Variants in GINM1 observed in about 807,000 individuals in gnomAD.
GINM1 encodes the protein glycoprotein integral membrane protein 1.
Under a neutral mutation model 37.8 loss-of-function variants are expected in GINM1, and 29 were observed. The observed-to-expected ratio is 0.77, with a 90% confidence interval of 0.57 to 1.05. The LOEUF (loss-of-function observed/expected upper bound fraction) is 1.05. Among genes scored for constraint, GINM1 ranks in the 50% least tolerant of loss-of-function variants. The pLI, the probability that GINM1 is intolerant of heterozygous loss-of-function variation, is 0.00. For missense variants in GINM1, 377 were observed against 397.9 expected (o/e 0.95, Z 0.45); for synonymous variants, 143 against 146.2 (o/e 0.98, Z 0.16).
chr6:149,573,980 A>C (rs937239042), intron 3 of GINM1, among the ~76,000 whole-genome samples: 1 of 151,966 alleles, frequency 6.6e-6, no homozygotes, highest in Non-Finnish European at 1.5e-5. Flanking sequence ...AAAGGTAAGC[A>C]GGTATGTTGC....
intron 3 of GINM1, 122 bp downstream of exon 3, chr6:149,572,725 G>C (rs561765001): frequency 1.5e-6 from 1 of 676,914 alleles, no homozygotes; most frequent in Non-Finnish European, 2.6e-6. Context: ...GCAATGGTGC[G>C]ATCTCAGCTC....
chr6:149,580,118 T>C (rs1246411444), intron 5 of GINM1, 128 bp downstream of exon 5: 1 of 632,786 alleles, frequency 1.6e-6, no homozygotes, highest in Non-Finnish European at 2.7e-6. Context: ...TAATAGTTAA[T>C]ATGTTTGGAA....
intron 7 of GINM1, among the ~76,000 whole-genome samples, chr6:149,585,882 G>A (rs547944974): frequency 5.9e-5 from 9 of 152,224 alleles, no homozygotes; most frequent in Non-Finnish European, 1.2e-4. Flanking sequence ...GTGAGCCACC[G>A]CGCCCAGCAA....
At chr6:149,588,170 G>C (rs2115063741) in intron 7 of GINM1, among the ~76,000 whole-genome samples, 1 of 152,288 alleles carries the variant, frequency 6.6e-6, no homozygotes. Context: ...TGTGTCACAA[G>C]TAATTGTATT....
rs1373137696 is a variant in GINM1 at position 149,591,580 on chromosome 6, G to C, written c.*742G>C. On this transcript the variant is annotated 3_prime_UTR_variant, in exon 8 of 8. Coordinates refer to ENST00000367419, the MANE Select transcript of GINM1 (RefSeq NM_138785.5). ...AACACTTATTTTTTTATTCAGTACA[G>C]TGTGCCTTTATATTAAGTATGTGAC... 6.6e-6 allele frequency: 1 copy of C among 152,048 alleles called. No individual in the cohort carries two copies. Among genetic ancestry groups the C allele is most frequent in the African/African-American group, 2.4e-5 (1 of 41,390 alleles). The allele number at this position is 152,048 out of a possible 1,614,324, so 9.4% of individuals were successfully genotyped here.
intron 5 of GINM1, 125 bp from the exon 6 acceptor site, chr6:149,580,468 G>A: frequency 1.3e-6 from 1 of 780,394 alleles, no homozygotes; most frequent in Non-Finnish European, 2.0e-6. Flanking sequence ...ATTCAGATGT[G>A]TTAATTTTTT....
chr6:149,585,079 T>G (rs1487327917), intron 7 of GINM1, among the ~76,000 whole-genome samples: 1 of 152,200 alleles, frequency 6.6e-6, no homozygotes, highest in Non-Finnish European at 1.5e-5. Context: ...ACAGATTTCT[T>G]TCCCCTTTGG....
At chr6:149,572,638 GT>G (rs978453771) in intron 3 of GINM1, 35 bp downstream of exon 3, 1 of 1,191,256 alleles carries the variant, frequency 8.4e-7, no homozygotes, top group Non-Finnish European at 1.3e-6. Context: ...TAATTGCTCT[GT>G]TTTTTGTGTG....
intron 3 of GINM1, among the ~76,000 whole-genome samples, chr6:149,572,941 C>T (rs1777852376): frequency 6.6e-6 from 1 of 152,194 alleles, no homozygotes; most frequent in Non-Finnish European, 1.5e-5. Context: ...GCTGGGATTA[C>T]AGATGTGAGC....
At chr6:149,572,652 T>G (rs781190714) in intron 3 of GINM1, 49 bp downstream of exon 3, 1 of 952,970 alleles carries the variant, frequency 1.0e-6, no homozygotes, top group Non-Finnish European at 1.7e-6. Context: ...TTTGTGTGTT[T>G]GTTGTTGTTG....
At chr6:149,590,096 C>T (rs2115064728) in intron 7 of GINM1, among the ~76,000 whole-genome samples, 1 of 152,320 alleles carries the variant, frequency 6.6e-6, no homozygotes, top group East Asian at 1.9e-4. Context: ...AGCCCCTACA[C>T]CTGGCCTACT....
At chr6:149,590,140 A>T (rs1479100563) in intron 7 of GINM1, among the ~76,000 whole-genome samples, 1 of 152,180 alleles carries the variant, frequency 6.6e-6, no homozygotes, top group Non-Finnish European at 1.5e-5. Context: ...AGAGCTACTT[A>T]AGACAACTTT....
chr6:149,570,136 TTATATATATATATATA>T (rs549791771), intron 1 of GINM1, among the ~76,000 whole-genome samples: 555 of 45,680 alleles, frequency 0.012, 11 homozygotes, highest in Non-Finnish European at 0.017. Flanking sequence ...TAGGTAGGTT[TTATATATATATATATA>T]TATATATATA....
At chr6:149,584,584 A>T (rs1197571880) in intron 7 of GINM1, 1 of 152,080 alleles carries the variant, frequency 6.6e-6, no homozygotes, top group African/African-American at 2.4e-5. Context: ...TTACATTTCC[A>T]CTGAATTGGC....
chr6:149,575,237 A>G (rs1298568718), intron 3 of GINM1, among the ~76,000 whole-genome samples: 1 of 152,000 alleles, frequency 6.6e-6, no homozygotes, highest in Non-Finnish European at 1.5e-5. Context: ...CCTGGTTGTC[A>G]TTTTCCTTCG....
In GINM1 at chr6:149,590,808, T is replaced by C; in HGVS notation, c.963T>C (p.Ala321=). Residue 321 remains alanine, a synonymous_variant, in exon 8 of 8, where the codon GCT becomes GCC. Coordinates refer to ENST00000367419, the MANE Select transcript of GINM1 (RefSeq NM_138785.5). The part of the protein sequence containing the change: ...NLYPDGPEKR[A]ENLEDKTCI ...ATCCAGATGGTCCAGAGAAAAGAGC[T>C]GAAAACCTTGAAGATAAAACATGTA... 1 of 1,589,562 alleles carries C rather than the reference T, an allele frequency of 6.3e-7. No individual in the cohort carries two copies. The highest frequency in any genetic ancestry group is 1.3e-5 in the African/African-American group (1 of 74,536).
intron 7 of GINM1, among the ~76,000 whole-genome samples, chr6:149,585,910 T>C (rs964299020): frequency 2.0e-5 from 3 of 152,180 alleles, no homozygotes; most frequent in African/African-American, 7.2e-5. Flanking sequence ...CTTAAATTAC[T>C]AATTTAAGAA....
At chr6:149,589,778 G>A (rs747516897) in intron 7 of GINM1, among the ~76,000 whole-genome samples, 2 of 152,014 alleles carry the variant, frequency 1.3e-5, no homozygotes, top group Non-Finnish European at 2.9e-5. Flanking sequence ...TGTGCCAGTA[G>A]CACAGTTTTA....
chr6:149,574,047 AT>A (rs35023561), intron 3 of GINM1, among the ~76,000 whole-genome samples: 13,672 of 129,268 alleles, frequency 0.11, 1,689 homozygotes, highest in African/African-American at 0.33. Flanking sequence ...TATACATAGG[AT>A]TTTTTTTTTT....
Sources: allele counts gnomAD v4.1 joint callset (sites outside exome capture counted in the v4.1 genomes callset), GRCh38; gene constraint gnomAD v4.1.1; transcripts MANE v1.5; gene names NCBI Gene and HGNC (gene_info 2026-07-23, HGNC 2026-07-21).